The following ZNF490 variants were observed in gnomAD, a reference collection of about 807,000 sequenced individuals.
The protein encoded by ZNF490 is zinc finger protein 490.
Under a neutral mutation model 17.7 loss-of-function variants are expected in ZNF490, and 11 were observed. That is an observed-to-expected ratio of 0.62 (90% CI 0.39 to 1.03). The LOEUF (loss-of-function observed/expected upper bound fraction) is 1.03, where lower values mean the gene tolerates loss of function less well. Ranked by LOEUF, ZNF490 falls within the 50% of genes least tolerant of loss-of-function variation. The pLI is 0.00. For missense variants in ZNF490, 542 were observed against 643.4 expected (o/e 0.84, Z 1.71); for synonymous variants, 222 against 216.1 (o/e 1.03, Z -0.24).
rs138768832 is a variant in ZNF490, at chr19:12,598,364, C to T, written c.162+10794G>A. ...CTGTAAAAGCATCACATGATCTAGCCTCATAATAATTCTCCCCTTTTTTTT... is the reference window on the plus strand; with the variant it reads ...CTGTAAAAGCATCACATGATCTAGCTTCATAATAATTCTCCCCTTTTTTTT... On this transcript the variant is annotated intron_variant, in intron 2 of 4. Coordinates refer to ENST00000311437, the MANE Select transcript of ZNF490 (RefSeq NM_020714.3). 1.9e-4 allele frequency among the ~76,000 whole-genome samples: 29 copies of T among 152,002 alleles called. No homozygotes were observed. In the East Asian group the frequency reaches 5.7e-3, roughly 30 times the overall value.
Position 12,609,119 on chromosome 19 carries a change from A to T in ZNF490, c.162+39T>A, listed in dbSNP as rs759142993. ...CAGACCCAAATGGTCATTATAAACA[A>T]GGAAGGTAGCCACGCTGACAGGTAG... On this transcript the variant is annotated intron_variant, in intron 2 of 4. Coordinates refer to ENST00000311437, the MANE Select transcript of ZNF490 (RefSeq NM_020714.3). 8 of 1,609,764 alleles carry T rather than the reference A, an allele frequency of 5.0e-6. 1 individual carries two copies. In the Admixed American group the frequency reaches 1.3e-4, roughly 27 times the overall value.
At chr19:12,590,522 C>T (rs1480894362) in intron 2 of ZNF490, among the ~76,000 whole-genome samples, 1 of 151,966 alleles carries the variant, frequency 6.6e-6, no homozygotes, top group African/African-American at 2.4e-5. Flanking sequence ...GTGCCTGGCC[C>T]CTCTCACCAT....
intron 2 of ZNF490, among the ~76,000 whole-genome samples, chr19:12,583,779 C>A (rs1289748069): frequency 9.2e-5 from 9 of 98,292 alleles, no homozygotes; most frequent in Non-Finnish European, 1.2e-4. Flanking sequence ...CTCTCTCTCT[C>A]TCTCTCTCTC....
chr19:12,582,942 A>C lies in ZNF490; in HGVS notation c.290-32T>G, dbSNP rs770220519. ...TACAAGCCCAGAGAACTCACAATAA[A>C]TTATTAGAAATTATAGAAAATTATA... On this transcript the variant is annotated intron_variant, in intron 3 of 4. Coordinates refer to ENST00000311437, the MANE Select transcript of ZNF490 (RefSeq NM_020714.3). 3 of 1,527,862 alleles carry C rather than the reference A, an allele frequency of 2.0e-6. No homozygotes were observed. In the South Asian group the frequency reaches 3.5e-5, roughly 18 times the overall value. The allele number at this position is 1,527,862 out of a possible 1,614,324, so 94.6% of individuals were successfully genotyped here. A position where few individuals can be genotyped will look rare whatever the true frequency, so the allele number is the denominator to read the frequency against.
chr19:12,594,693 G>A (rs966032247), intron 2 of ZNF490, among the ~76,000 whole-genome samples: 1 of 152,084 alleles, frequency 6.6e-6, no homozygotes, highest in Non-Finnish European at 1.5e-5. Flanking sequence ...TGATGTTGTG[G>A]GTGCCAACAG....
At chr19:12,590,063 T>A (rs1315621163) in intron 2 of ZNF490, among the ~76,000 whole-genome samples, 1 of 150,600 alleles carries the variant, frequency 6.6e-6, no homozygotes, top group Non-Finnish European at 1.5e-5. Context: ...TACAGGCATG[T>A]GCCACCACGC....
rs12459123 is a variant in ZNF490, at chr19:12,578,927, T to C, written c.*1558A>G. ...CCCATATTGCTTACATTTAAGAAGG[T>C]GGCTCTCCAGTGTGGGTGGTTTCAT... On this transcript the variant is annotated 3_prime_UTR_variant, in exon 5 of 5. Transcript: ENST00000311437. 0.67 allele frequency: 655,717 copies of C among 985,042 alleles called. 221,043 individuals are homozygous for C. The highest frequency in any genetic ancestry group is 0.69 in the Non-Finnish European group (569,767 of 829,796). 61.0% of individuals were successfully genotyped at this position (985,042 alleles called of 1,614,324 possible). A position where few individuals can be genotyped will look rare whatever the true frequency, so the allele number is the denominator to read the frequency against.
At position 12,584,357 on chromosome 19, in the gene ZNF490, C is replaced by T. The variant is rs1388443052; in HGVS notation, c.163-801G>A. Among the ~76,000 whole-genome samples the T allele has an allele frequency of 6.7e-5, 6 of 89,128 alleles. 3 individuals carry two copies. Among genetic ancestry groups the T allele is most frequent in the East Asian group, 4.2e-4 (2 of 4,732 alleles). The allele number at this position is 89,128 out of a possible 152,430, so 58.5% of individuals were successfully genotyped here. A position where few individuals can be genotyped will look rare whatever the true frequency, so the allele number is the denominator to read the frequency against. On this transcript the variant is annotated intron_variant, in intron 2 of 4. Transcript: ENST00000311437. Reference sequence around the variant, plus strand: ...ATTTTTAGTAGAGACGGGGTTTCACCATGTTAGCCAGGATGGTCTTGATCT... The same window carrying T: ...ATTTTTAGTAGAGACGGGGTTTCACTATGTTAGCCAGGATGGTCTTGATCT...
intron 2 of ZNF490, among the ~76,000 whole-genome samples, chr19:12,591,976 G>A (rs2022877921): frequency 6.6e-6 from 1 of 152,162 alleles, no homozygotes; most frequent in East Asian, 1.9e-4. Context: ...AAACCTTAGA[G>A]TGAACCAAGA....
At chr19:12,604,205 A>G (rs1397906174) in intron 2 of ZNF490, among the ~76,000 whole-genome samples, 1 of 152,242 alleles carries the variant, frequency 6.6e-6, no homozygotes, top group Non-Finnish European at 1.5e-5. Flanking sequence ...CTGGCTGTTC[A>G]TTCGTATCAT....
At chr19:12,600,120 T>C (rs2022984238) in intron 2 of ZNF490, among the ~76,000 whole-genome samples, 1 of 152,042 alleles carries the variant, frequency 6.6e-6, no homozygotes, top group African/African-American at 2.4e-5. Flanking sequence ...CCCAGCACTT[T>C]GGGAGGCCGA....
intron 2 of ZNF490, among the ~76,000 whole-genome samples, chr19:12,604,418 A>G (rs10405331): frequency 0.013 from 2,040 of 152,244 alleles, 46 homozygotes; most frequent in African/African-American, 0.047. Context: ...TTGGGAGGAC[A>G]AGGTGGGCGG....
chr19:12,582,582 G>A (rs2022752357), intron 4 of ZNF490, among the ~76,000 whole-genome samples: 1 of 151,866 alleles, frequency 6.6e-6, no homozygotes, highest in Non-Finnish European at 1.5e-5. Context: ...TTTTAGTAGA[G>A]ACAGGGTTTC....
chr19:12,603,890 T>C (rs1310244051), intron 2 of ZNF490, among the ~76,000 whole-genome samples: 1 of 152,082 alleles, frequency 6.6e-6, no homozygotes, highest in African/African-American at 2.4e-5. Flanking sequence ...TTCATAACCA[T>C]CCCCTTTCCA....
At chr19:12,591,704 C>T (rs78795638) in intron 2 of ZNF490, among the ~76,000 whole-genome samples, 2,603 of 152,060 alleles carry the variant, frequency 0.017, 71 homozygotes, top group African/African-American at 0.06. Context: ...TTACCACACT[C>T]ACTAAATGGC....
intron 2 of ZNF490, among the ~76,000 whole-genome samples, chr19:12,600,727 G>C (rs189777791): frequency 6.6e-6 from 1 of 152,284 alleles, no homozygotes; most frequent in Admixed American, 6.5e-5. Context: ...CTCTTTAGAA[G>C]GTGGTTTTAT....
At chr19:12,603,788 C>CAAAA (rs34129438) in intron 2 of ZNF490, among the ~76,000 whole-genome samples, 7 of 139,832 alleles carry the variant, frequency 5.0e-5, no homozygotes, top group African/African-American at 1.9e-4. Context: ...GACCCTATCT[C>CAAAA]AAAAAAAAAA....
In ZNF490 at chr19:12,586,254, G is replaced by A. The variant is rs1321153755; in HGVS notation, c.163-2698C>T. On this transcript the variant is annotated intron_variant, in intron 2 of 4. Coordinates refer to ENST00000311437, the MANE Select transcript of ZNF490 (RefSeq NM_020714.3). ...GCAGAGGTTGCAGTGAGCCAAGATC[G>A]TGCCCCTGCACTCCAGCCTGGGCGA... is the stretch of plus-strand genomic sequence containing the variant. Among the ~76,000 whole-genome samples, 2 of 92,556 alleles carry A rather than the reference G, an allele frequency of 2.2e-5. 1 individual carries two copies. Among genetic ancestry groups the A allele is most frequent in the African/African-American group, 6.5e-5 (2 of 30,934 alleles). The allele number at this position is 92,556 out of a possible 152,430, so 60.7% of individuals were successfully genotyped here.
At position 12,577,514 on chromosome 19, in the gene ZNF490, CCTGGTGAGAGAAGCGAAT is replaced by C. The variant is rs1192605160; in HGVS notation, c.*2953_*2970del. 268 of 581,496 alleles carry C rather than the reference CCTGGTGAGAGAAGCGAAT, an allele frequency of 4.6e-4. 2 individuals are homozygous for C. In the South Asian group the frequency reaches 0.011, roughly 23 times the overall value. 36.0% of individuals were successfully genotyped at this position (581,496 alleles called of 1,614,324 possible). The stretch of plus-strand genomic sequence containing the variant: ...AACCCCTCATACTACCATAAATGTT[CCTGGTGAGAGAAGCGAAT>C]GTTCCTGGTGAGAGAAGCGAAGGTG... On this transcript the variant is annotated 3_prime_UTR_variant, in exon 5 of 5. Transcript: ENST00000311437.
Sources: gnomAD v4.1 joint callset for allele counts (sites outside exome capture counted in the v4.1 genomes callset) on GRCh38, gnomAD v4.1.1 for gene constraint, MANE v1.5 for transcripts, NCBI Gene and HGNC (gene_info 2026-07-23, HGNC 2026-07-21) for gene names.